Variants in NXPH1 observed in about 807,000 individuals in gnomAD.
The protein encoded by NXPH1 is neurexophilin 1, also known as neurexophilin-1.
A neutral mutation model predicts 23.7 loss-of-function variants in NXPH1; 5 were observed. That is an observed-to-expected ratio of 0.21 (90% CI 0.11 to 0.44). The LOEUF is 0.44. Among genes scored for constraint, NXPH1 ranks in the 20% least tolerant of loss-of-function variants. NXPH1 has a pLI of 0.99. For missense variants in NXPH1, 324 were observed against 321.6 expected, an observed-to-expected ratio of 1.01 and a Z score of -0.06; for synonymous variants, 144 against 122.2, an observed-to-expected ratio of 1.18 and a Z score of -1.18.
In NXPH1 at chr7:8,462,886, C is replaced by G. The variant is rs1399942909; in HGVS notation, c.54+27119C>G. Among the ~76,000 whole-genome samples the G allele has an allele frequency of 5.3e-5, 8 of 152,234 alleles. No homozygotes were observed. In the East Asian group the frequency reaches 9.6e-4, roughly 18 times the overall value. ...GGATAAATTGCTAAAAGAGGAATTGCTGGATTGAGAGGCTTATTTTATAGT... is the reference window on the plus strand; with the variant it reads ...GGATAAATTGCTAAAAGAGGAATTGGTGGATTGAGAGGCTTATTTTATAGT... On this transcript the variant is annotated intron_variant, in intron 2 of 2. Coordinates refer to ENST00000405863, the MANE Select transcript of NXPH1 (RefSeq NM_152745.3).
At chr7:8,524,731 T>C (rs1483691317) in intron 2 of NXPH1, among the ~76,000 whole-genome samples, 1 of 152,182 alleles carries the variant, frequency 6.6e-6, no homozygotes, top group African/African-American at 2.4e-5. Context: ...TCTCATGAGA[T>C]CTGATGGGTT....
At chr7:8,470,221 G>A (rs754081343) in intron 2 of NXPH1, among the ~76,000 whole-genome samples, 52 of 150,280 alleles carry the variant, frequency 3.5e-4, no homozygotes, top group Admixed American at 1.1e-3. Context: ...TACTTTTATC[G>A]CTGGATAGAT....
chr7:8,552,962 G>A (rs1333954719), intron 2 of NXPH1, among the ~76,000 whole-genome samples: 1 of 151,450 alleles, frequency 6.6e-6, no homozygotes, highest in Non-Finnish European at 1.5e-5. Context: ...CTATCGTTTA[G>A]GAAGTCAGAC....
chr7:8,600,927 T>C (rs1819344734), intron 2 of NXPH1, among the ~76,000 whole-genome samples: 1 of 152,062 alleles, frequency 6.6e-6, no homozygotes. Context: ...GTAGACCTTT[T>C]TTTTTTTGTT....
rs574917540 is a variant in NXPH1, at chr7:8,748,326, G to A, written c.55-2682G>A. 2.6e-5 allele frequency among the ~76,000 whole-genome samples: 4 copies of A among 152,296 alleles called. No individual in the cohort carries two copies. The South Asian group carries it at 8.3e-4, about 32-fold the overall frequency. On this transcript the variant is annotated intron_variant, in intron 2 of 2. Coordinates refer to ENST00000405863, the MANE Select transcript of NXPH1 (RefSeq NM_152745.3). ...GGAGAGATACCAAAGCAAGGGTTGA[G>A]CAAAAGTGAAAGGGAAGTACTTACA... is the stretch of plus-strand genomic sequence containing the variant.
intron 2 of NXPH1, among the ~76,000 whole-genome samples, chr7:8,673,267 A>C (rs1288490307): frequency 6.6e-6 from 1 of 152,212 alleles, no homozygotes; most frequent in Non-Finnish European, 1.5e-5. Context: ...AACATAAATA[A>C]AAGCAGGCAT....
At chr7:8,576,208 ATTCAT>A (rs1818752702) in intron 2 of NXPH1, among the ~76,000 whole-genome samples, 1 of 152,152 alleles carries the variant, frequency 6.6e-6, no homozygotes, top group Admixed American at 6.5e-5. Flanking sequence ...TGAAAACTCC[ATTCAT>A]TTCATGTTTC....
chr7:8,711,853 A>G (rs1779801198), intron 2 of NXPH1, among the ~76,000 whole-genome samples: 1 of 152,202 alleles, frequency 6.6e-6, no homozygotes, highest in Non-Finnish European at 1.5e-5. Context: ...CCATTGTTGA[A>G]AGCAAATTTT....
chr7:8,493,524 A>G (rs1817286705), intron 2 of NXPH1, among the ~76,000 whole-genome samples: 1 of 152,076 alleles, frequency 6.6e-6, no homozygotes, highest in Non-Finnish European at 1.5e-5. Flanking sequence ...AGAACAGCTC[A>G]GGCTAATTTA....
intron 2 of NXPH1, among the ~76,000 whole-genome samples, chr7:8,683,412 G>C (rs1485556391): frequency 6.6e-6 from 1 of 151,918 alleles, no homozygotes; most frequent in African/African-American, 2.4e-5. Context: ...AAAAAGAGTG[G>C]GGCTATATCT....
At chr7:8,513,735 A>G (rs1480858159) in intron 2 of NXPH1, among the ~76,000 whole-genome samples, 1 of 152,128 alleles carries the variant, frequency 6.6e-6, no homozygotes, top group Admixed American at 6.6e-5. Flanking sequence ...TGAGCTCTCC[A>G]CTAAGGCTTT....
intron 2 of NXPH1, among the ~76,000 whole-genome samples, chr7:8,489,148 G>A (rs1405299016): frequency 3.9e-5 from 6 of 152,044 alleles, no homozygotes. Context: ...GGCTGTGACG[G>A]GAGGGTAAAA....
rs116489214 is a variant in NXPH1 at position 8,681,771 on chromosome 7, T to C, written c.55-69237T>C. On this transcript the variant is annotated intron_variant, in intron 2 of 2. Transcript: ENST00000405863. ...TTTTTCTTGACAAACATCAGGCCTGTGTCAGGCTGCATCTGAGATGATTGG... is the reference window on the plus strand; with the variant it reads ...TTTTTCTTGACAAACATCAGGCCTGCGTCAGGCTGCATCTGAGATGATTGG... 3.7e-3 allele frequency among the ~76,000 whole-genome samples: 562 copies of C among 152,326 alleles called. 2 individuals carry two copies. The highest frequency in any genetic ancestry group is 0.013 in the African/African-American group (527 of 41,574).
chr7:8,498,899 G>A (rs1412543344), intron 2 of NXPH1, among the ~76,000 whole-genome samples: 1 of 152,016 alleles, frequency 6.6e-6, no homozygotes, highest in Non-Finnish European at 1.5e-5. Context: ...AGTGTGGGTG[G>A]CTTCCTTGAG....
chr7:8,436,516 A>G (rs1816198859), intron 2 of NXPH1, among the ~76,000 whole-genome samples: 1 of 152,180 alleles, frequency 6.6e-6, no homozygotes, highest in South Asian at 2.1e-4. Flanking sequence ...TGGACTTTGT[A>G]CACTGCTGGA....
At chr7:8,496,718 C>T (rs1164109609) in intron 2 of NXPH1, among the ~76,000 whole-genome samples, 3 of 152,070 alleles carry the variant, frequency 2.0e-5, no homozygotes, top group African/African-American at 7.2e-5. Flanking sequence ...GACTGTGAGG[C>T]ATGCTTTACT....
At chr7:8,548,551 G>A (rs1818230070) in intron 2 of NXPH1, among the ~76,000 whole-genome samples, 1 of 151,404 alleles carries the variant, frequency 6.6e-6, no homozygotes, top group African/African-American at 2.4e-5. Flanking sequence ...CAGACTTTTG[G>A]GTAGTTTCTC....
intron 2 of NXPH1, among the ~76,000 whole-genome samples, chr7:8,673,120 C>T (rs564012990): frequency 6.6e-6 from 1 of 152,088 alleles, no homozygotes. Context: ...CATTATTGCT[C>T]TATTTTCATA....
chr7:8,474,504 A>G (rs953252377), intron 2 of NXPH1, among the ~76,000 whole-genome samples: 4 of 151,864 alleles, frequency 2.6e-5, no homozygotes, highest in Non-Finnish European at 5.9e-5. Context: ...CTTTGTCTCT[A>G]CTCCTTACTC....
Sources: allele counts gnomAD v4.1 joint callset (sites outside exome capture counted in the v4.1 genomes callset), GRCh38; gene constraint gnomAD v4.1.1; transcripts MANE v1.5; gene names NCBI Gene and HGNC (gene_info 2026-07-23, HGNC 2026-07-21).